GPC5: variants seen among roughly 807,000 people sequenced by gnomAD.
The protein encoded by GPC5 is glypican 5, also known as glypican-5.
Under a neutral mutation model 53.9 loss-of-function variants are expected in GPC5, and 47 were observed. The observed-to-expected ratio is 0.87, with a 90% CI of 0.69 to 1.11. GPC5 has a LOEUF of 1.11. Ranked by LOEUF, GPC5 falls within the 50% of genes most tolerant of loss-of-function variation. The probability of loss-of-function intolerance (pLI) is 0.00; values close to 1 mark genes in which losing one functional copy is unlikely to be tolerated. For synonymous variants in GPC5, 286 were observed against 263.3 expected (o/e 1.09, Z -0.84); for missense variants, 748 against 713.1 (o/e 1.05, Z -0.56).
At chr13:92,719,522 T>C (rs1594452477) in intron 7 of GPC5, among the ~76,000 whole-genome samples, 1 of 152,186 alleles carries the variant, frequency 6.6e-6, no homozygotes, top group Admixed American at 6.6e-5. Context: ...CATAAATTGT[T>C]ATACATCATA....
At chr13:92,819,412 G>A (rs1450482297) in intron 7 of GPC5, among the ~76,000 whole-genome samples, 1 of 152,074 alleles carries the variant, frequency 6.6e-6, no homozygotes, top group Non-Finnish European at 1.5e-5. Context: ...AATAAGTTTG[G>A]GCTAACTTCA....
At chr13:92,696,915 T>A (rs1489495791) in intron 7 of GPC5, among the ~76,000 whole-genome samples, 1 of 152,204 alleles carries the variant, frequency 6.6e-6, no homozygotes, top group Non-Finnish European at 1.5e-5. Flanking sequence ...TTTCTGCATA[T>A]GGCTAGCCAG....
At chr13:91,833,325 G>T (rs2038685142) in intron 5 of GPC5, among the ~76,000 whole-genome samples, 1 of 152,078 alleles carries the variant, frequency 6.6e-6, no homozygotes, top group Non-Finnish European at 1.5e-5. Flanking sequence ...ACAAAGAAGA[G>T]CTGGTACCAT....
At chr13:91,670,354 G>A (rs1005242454) in intron 2 of GPC5, among the ~76,000 whole-genome samples, 10 of 152,086 alleles carry the variant, frequency 6.6e-5, no homozygotes, top group Admixed American at 2.6e-4. Context: ...ACAGGGACAC[G>A]AATGTATAGA....
chr13:92,100,520 A>G (rs1209112487), intron 6 of GPC5, among the ~76,000 whole-genome samples: 1 of 152,174 alleles, frequency 6.6e-6, no homozygotes, highest in Non-Finnish European at 1.5e-5. Context: ...CGAAACTAAA[A>G]ATTAAAACTA....
At chr13:92,043,807 G>T (rs2040960374) in intron 6 of GPC5, among the ~76,000 whole-genome samples, 1 of 152,188 alleles carries the variant, frequency 6.6e-6, no homozygotes, top group African/African-American at 2.4e-5. Context: ...GATAGGGTAG[G>T]AGTGAATCAG....
intron 6 of GPC5, among the ~76,000 whole-genome samples, chr13:91,933,320 CAT>C (rs1346156885): frequency 6.6e-6 from 1 of 151,882 alleles, no homozygotes; most frequent in African/African-American, 2.4e-5. Context: ...TAACCCAATT[CAT>C]AGTTTTTGTT....
intron 5 of GPC5, among the ~76,000 whole-genome samples, chr13:91,816,926 A>T (rs1172283122): frequency 6.6e-6 from 1 of 152,198 alleles, no homozygotes; most frequent in African/African-American, 2.4e-5. Flanking sequence ...AAGTGAGAAG[A>T]TGTGAGAGTT....
At chr13:92,332,527 G>A (rs559065513) in intron 7 of GPC5, among the ~76,000 whole-genome samples, 2 of 152,160 alleles carry the variant, frequency 1.3e-5, no homozygotes, top group South Asian at 2.1e-4. Flanking sequence ...TTATAAAACT[G>A]GAGTTATGGG....
chr13:92,327,555 C>A (rs1164531287), intron 7 of GPC5, among the ~76,000 whole-genome samples: 2 of 152,098 alleles, frequency 1.3e-5, no homozygotes, highest in Admixed American at 6.6e-5. Context: ...CTGGAGCAGG[C>A]AGAATAGCTT....
chr13:91,571,957 A>ACG (rs1855578722), intron 2 of GPC5, among the ~76,000 whole-genome samples: 9 of 117,988 alleles, frequency 7.6e-5, no homozygotes, highest in South Asian at 2.9e-4. Flanking sequence ...ATATACACAC[A>ACG]TATATGTATA....
intron 3 of GPC5, among the ~76,000 whole-genome samples, chr13:91,722,835 T>C (rs2036502089): frequency 6.6e-6 from 1 of 152,220 alleles, no homozygotes; most frequent in Non-Finnish European, 1.5e-5. Context: ...AGATAGTATG[T>C]GTTTCCTCTC....
At chr13:91,565,051 G>A (rs773840254) in intron 2 of GPC5, among the ~76,000 whole-genome samples, 6 of 151,646 alleles carry the variant, frequency 4.0e-5, no homozygotes, top group South Asian at 2.1e-4. Flanking sequence ...GTGTAGTGGC[G>A]TGATCTTGGC....
intron 2 of GPC5, among the ~76,000 whole-genome samples, chr13:91,468,874 CTT>C (rs5805695): frequency 1.9e-4 from 26 of 135,010 alleles, no homozygotes; most frequent in South Asian, 2.3e-4. Context: ...AGATAATGGT[CTT>C]TTTTTTTTTT....
intron 5 of GPC5, among the ~76,000 whole-genome samples, chr13:91,861,107 C>T (rs570387299): frequency 6.6e-6 from 1 of 152,088 alleles, no homozygotes; most frequent in Admixed American, 6.6e-5. Flanking sequence ...AACTTAAAAT[C>T]CGTTTAAACT....
intron 2 of GPC5, among the ~76,000 whole-genome samples, chr13:91,622,748 G>A (rs1444355047): frequency 6.6e-6 from 1 of 152,092 alleles, no homozygotes; most frequent in African/African-American, 2.4e-5. Flanking sequence ...GGGTGGTTGA[G>A]GCATGTTTGA....
rs1885547717 is a variant in GPC5, at chr13:91,517,122, G to T, written c.325+68200G>T. 2.6e-5 allele frequency among the ~76,000 whole-genome samples: 4 copies of T among 152,266 alleles called. No individual in the cohort carries two copies. In the South Asian group the frequency reaches 8.3e-4, roughly 32 times the overall value. ...TTTTCCCCATGGTCTTGGGGATTAA[G>T]ATTAGGCTCCTTGCTACTTATGCAA... On this transcript the variant is annotated intron_variant, in intron 2 of 7. Coordinates refer to ENST00000377067, the MANE Select transcript of GPC5 (RefSeq NM_004466.6).
intron 7 of GPC5, among the ~76,000 whole-genome samples, chr13:92,854,506 C>T (rs1036618360): frequency 5.9e-5 from 9 of 151,290 alleles, no homozygotes; most frequent in Admixed American, 2.0e-4. Flanking sequence ...AAAATATCAG[C>T]GATTTTACTA....
chr13:92,852,596 G>GA (rs1264780144), intron 7 of GPC5, among the ~76,000 whole-genome samples: 1 of 151,958 alleles, frequency 6.6e-6, no homozygotes, highest in East Asian at 1.9e-4. Flanking sequence ...TTAGAGATGG[G>GA]ATCTCACTCT....
Sources: gnomAD v4.1 joint callset for allele counts (sites outside exome capture counted in the v4.1 genomes callset) on GRCh38, gnomAD v4.1.1 for gene constraint, MANE v1.5 for transcripts, NCBI Gene and HGNC (gene_info 2026-07-23, HGNC 2026-07-21) for gene names.